BNC2: variants seen among roughly 807,000 people sequenced by gnomAD.
BNC2 encodes the protein basonuclin zinc finger protein 2, also known as zinc finger protein basonuclin-2.
In BNC2, 20 loss-of-function variants were observed where a neutral mutation model predicts 76.3. The observed-to-expected ratio is 0.26, with a 90% CI of 0.18 to 0.38. BNC2 has a LOEUF of 0.38. BNC2 is among the 10% of genes least tolerant of loss of function. The pLI is 1.00. For synonymous variants in BNC2, 582 were observed against 514.8 expected, an observed-to-expected ratio of 1.13 and a Z score of -1.77; for missense variants, 1,382 against 1,399.8, an observed-to-expected ratio of 0.99 and a Z score of 0.20.
intron 1 of BNC2, among the ~76,000 whole-genome samples, chr9:16,847,491 GT>G (rs1182451941): frequency 8.7e-6 from 1 of 115,504 alleles, no homozygotes; most frequent in Non-Finnish European, 1.7e-5. Flanking sequence ...AATTCATTTG[GT>G]TAAAAAGGAA....
At chr9:16,559,090 G>A (rs953838426) in intron 4 of BNC2, among the ~76,000 whole-genome samples, 6 of 152,090 alleles carry the variant, frequency 3.9e-5, no homozygotes, top group Non-Finnish European at 8.8e-5. Flanking sequence ...AAAGAGGGAC[G>A]AATGCCTTCA....
At chr9:16,580,680 G>C (rs762187710) in intron 4 of BNC2, among the ~76,000 whole-genome samples, 5 of 152,116 alleles carry the variant, frequency 3.3e-5, no homozygotes, top group Non-Finnish European at 5.9e-5. Flanking sequence ...ATACTCCAAG[G>C]CTACCATAGT....
At chr9:16,520,805 C>T (rs983635125) in intron 5 of BNC2, among the ~76,000 whole-genome samples, 1 of 152,194 alleles carries the variant, frequency 6.6e-6, no homozygotes, top group Non-Finnish European at 1.5e-5. Context: ...TTTCTTATAT[C>T]AGGCCACTTG....
chr9:16,814,213 TA>T (rs985735065), intron 1 of BNC2, among the ~76,000 whole-genome samples: 1 of 152,212 alleles, frequency 6.6e-6, no homozygotes. Context: ...GCCTTGTCTA[TA>T]AGGTAAAGAA....
intron 3 of BNC2, among the ~76,000 whole-genome samples, chr9:16,723,674 C>A (rs1294636641): frequency 6.6e-6 from 1 of 152,018 alleles, no homozygotes; most frequent in Admixed American, 6.6e-5. Flanking sequence ...TATCATTTCT[C>A]TGAAAGGTGC....
chr9:16,665,531 G>C (rs1016641940), intron 3 of BNC2, among the ~76,000 whole-genome samples: 15 of 152,100 alleles, frequency 9.9e-5, no homozygotes, highest in African/African-American at 3.6e-4. Context: ...AACTAGACCT[G>C]TAAATTCTTT....
chr9:16,687,982 T>G (rs888166365), intron 3 of BNC2, among the ~76,000 whole-genome samples: 2 of 152,128 alleles, frequency 1.3e-5, no homozygotes, highest in Admixed American at 6.5e-5. Flanking sequence ...AAGGAACTAG[T>G]AGGGAAGTGG....
chr9:16,731,180 C>T lies in BNC2; in HGVS notation c.130-3183G>A, dbSNP rs142982273. Among the ~76,000 whole-genome samples, 1,102 of 152,162 alleles carry T rather than the reference C, an allele frequency of 7.2e-3. 15 individuals carry two copies. Among genetic ancestry groups the T allele is most frequent in the African/African-American group, 0.024 (998 of 41,504 alleles). On this transcript the variant is annotated intron_variant, in intron 2 of 6. Transcript: ENST00000380672. ...TTTTTTCACTGGCTACATAGTCTGACAATTATGGAATAACTCTCTGGAATC... is the reference window on the plus strand; with the variant it reads ...TTTTTTCACTGGCTACATAGTCTGATAATTATGGAATAACTCTCTGGAATC...
chr9:16,793,903 C>T (rs1231879894), intron 1 of BNC2, among the ~76,000 whole-genome samples: 9 of 143,348 alleles, frequency 6.3e-5, no homozygotes, highest in East Asian at 4.1e-4. Flanking sequence ...GGAGTTTCAC[C>T]GTGTTAGCCA....
At chr9:16,738,127 A>G (rs1260536332) in intron 2 of BNC2, among the ~76,000 whole-genome samples, 1 of 152,214 alleles carries the variant, frequency 6.6e-6, no homozygotes, top group African/African-American at 2.4e-5. Context: ...CAGATACTTT[A>G]TCACGTTCAA....
intron 5 of BNC2, among the ~76,000 whole-genome samples, chr9:16,513,072 G>A (rs1463886020): frequency 1.3e-5 from 2 of 152,040 alleles, no homozygotes; most frequent in East Asian, 3.9e-4. Context: ...AGAGGTTGCA[G>A]GGAGCTGAGA....
intron 3 of BNC2, among the ~76,000 whole-genome samples, chr9:16,603,019 CAAG>C (rs936430054): frequency 3.9e-5 from 6 of 152,176 alleles, no homozygotes; most frequent in African/African-American, 1.4e-4. Flanking sequence ...TTTCCGAAAA[CAAG>C]AAATTTCCTT....
chr9:16,689,073 T>G (rs1823066321), intron 3 of BNC2, among the ~76,000 whole-genome samples: 1 of 151,448 alleles, frequency 6.6e-6, no homozygotes, highest in Admixed American at 6.6e-5. Flanking sequence ...AAACATATTT[T>G]CTGTGGGGCA....
At chr9:16,532,980 C>T (rs554642746) in intron 5 of BNC2, among the ~76,000 whole-genome samples, 1 of 152,208 alleles carries the variant, frequency 6.6e-6, no homozygotes, top group Non-Finnish European at 1.5e-5. Flanking sequence ...ATGCTACCAA[C>T]ACAACGCTAG....
intron 5 of BNC2, among the ~76,000 whole-genome samples, chr9:16,540,577 A>G (rs530239430): frequency 9.9e-5 from 15 of 152,190 alleles, no homozygotes; most frequent in Non-Finnish European, 1.8e-4. Flanking sequence ...AAGGCATACA[A>G]GCATAACTGG....
chr9:16,717,785 A>G (rs1164829485), intron 3 of BNC2, among the ~76,000 whole-genome samples: 2 of 152,208 alleles, frequency 1.3e-5, no homozygotes, highest in African/African-American at 2.4e-5. Context: ...CTTATATTGA[A>G]GCTCATTTTC....
intron 6 of BNC2, among the ~76,000 whole-genome samples, chr9:16,428,998 A>G (rs1483725977): frequency 1.3e-5 from 2 of 152,146 alleles, no homozygotes; most frequent in Non-Finnish European, 2.9e-5. Context: ...CCTCATACAC[A>G]TATCTTGGCA....
chr9:16,692,536 A>G (rs749470018), intron 3 of BNC2, among the ~76,000 whole-genome samples: 4 of 152,166 alleles, frequency 2.6e-5, no homozygotes, highest in African/African-American at 9.7e-5. Flanking sequence ...GTAGGTACAC[A>G]GTATATCTGT....
chr9:16,707,386 T>G lies in BNC2; in HGVS notation c.330+20411A>C, dbSNP rs551077029. Among the ~76,000 whole-genome samples the G allele has an allele frequency of 8.4e-4, 128 of 152,338 alleles. 2 individuals are homozygous for G. Among genetic ancestry groups the G allele is most frequent in the African/African-American group, 3.0e-3 (125 of 41,584 alleles). ...GATTAAAATTACAGAGGTTAATTTCTATTTTAGTCCAAACAGATACACTTT... is the reference window on the plus strand; with the variant it reads ...GATTAAAATTACAGAGGTTAATTTCGATTTTAGTCCAAACAGATACACTTT... On this transcript the variant is annotated intron_variant, in intron 3 of 6. Transcript: ENST00000380672.
Sources: allele counts gnomAD v4.1 joint callset (sites outside exome capture counted in the v4.1 genomes callset), GRCh38; gene constraint gnomAD v4.1.1; transcripts MANE v1.5; gene names NCBI Gene and HGNC (gene_info 2026-07-23, HGNC 2026-07-21).